The following BRWD1 variants were observed in gnomAD, a reference collection of about 807,000 sequenced individuals.
BRWD1 encodes bromodomain and WD repeat domain containing 1.
Under a neutral mutation model 251.2 loss-of-function variants are expected in BRWD1, and 82 were observed. The ratio of observed to expected loss-of-function variants is 0.33; its 90% confidence interval spans 0.27 to 0.39. The LOEUF (loss-of-function observed/expected upper bound fraction) is 0.39, where lower values mean the gene tolerates loss of function less well. Among genes scored for constraint, BRWD1 ranks in the 10% least tolerant of loss-of-function variants. The pLI is 1.00. For missense variants in BRWD1, 2,233 were observed against 2,711.6 expected (o/e 0.82, Z 3.92); for synonymous variants, 918 against 902.8 (o/e 1.02, Z -0.30).
intron 15 of BRWD1, among the ~76,000 whole-genome samples, chr21:39,266,257 A>G (rs537260050): frequency 2.2e-5 from 3 of 134,318 alleles, no homozygotes; most frequent in African/African-American, 8.7e-5. Flanking sequence ...AGATGTGCAT[A>G]TTAATTCATA....
intron 11 of BRWD1, among the ~76,000 whole-genome samples, chr21:39,276,414 C>A (rs936594330): frequency 5.9e-5 from 9 of 152,146 alleles, no homozygotes; most frequent in Admixed American, 2.0e-4. Flanking sequence ...ATACAGCTTT[C>A]ATTTCAAAGA....
chr21:39,308,271 C>T (rs1260217117), intron 4 of BRWD1, among the ~76,000 whole-genome samples: 1 of 151,992 alleles, frequency 6.6e-6, no homozygotes, highest in Admixed American at 6.6e-5. Flanking sequence ...CACTGAAGGT[C>T]AGGAGTTCGA....
At chr21:39,239,377 T>C (rs1248276622) in intron 21 of BRWD1, among the ~76,000 whole-genome samples, 1 of 152,162 alleles carries the variant, frequency 6.6e-6, no homozygotes, top group African/African-American at 2.4e-5. Context: ...AAGACTGGTG[T>C]CTAGGATTTA....
chr21:39,218,021 A>T, intron 31 of BRWD1, 131 bp downstream of exon 31: 1 of 1,011,146 alleles, frequency 9.9e-7, no homozygotes, highest in Non-Finnish European at 1.4e-6. Context: ...ACCATCTGAC[A>T]ATGAAAGAGA....
chr21:39,214,191 C>T (rs1400197378), intron 32 of BRWD1, among the ~76,000 whole-genome samples: 1 of 152,056 alleles, frequency 6.6e-6, no homozygotes, highest in Non-Finnish European at 1.5e-5. Flanking sequence ...ATGCTGAAAA[C>T]GATGGCACTG....
At position 39,218,132 on chromosome 21, in the gene BRWD1, G is replaced by C. The variant is rs773299760; in HGVS notation, c.3659+20C>G. ...CCAAATATAGCTTTTTAAACATTTTGAAAGCAGGTTTCTACTAACCTGTAA... is the reference window on the plus strand; with the variant it reads ...CCAAATATAGCTTTTTAAACATTTTCAAAGCAGGTTTCTACTAACCTGTAA... On this transcript the variant is annotated intron_variant, in intron 31 of 40. Transcript: ENST00000342449. 2 of 1,580,526 alleles carry C rather than the reference G, an allele frequency of 1.3e-6. No homozygotes were observed. The highest frequency in any genetic ancestry group is 2.3e-5 in the East Asian group (1 of 44,178).
At position 39,189,995 on chromosome 21, in the gene BRWD1, A is replaced by C. The variant is rs2031463123; in HGVS notation, c.*6264T>G. 1 of 985,268 alleles carries C rather than the reference A, an allele frequency of 1.0e-6. No homozygotes were observed. Among genetic ancestry groups the C allele is most frequent in the Admixed American group, 6.2e-5 (1 of 16,252 alleles). 61.0% of individuals were successfully genotyped at this position (985,268 alleles called of 1,614,324 possible). On this transcript the variant is annotated 3_prime_UTR_variant, in exon 41 of 41. Coordinates refer to ENST00000342449, the MANE Select transcript of BRWD1 (RefSeq NM_033656.4). The stretch of plus-strand genomic sequence containing the variant: ...AGTGCTTGAGGACTTGTTTTCCTGG[A>C]AGTGATTCCCTACTTGGGTATGGCA...
In BRWD1 at chr21:39,187,721, C is replaced by T. The variant is rs1318032388; in HGVS notation, c.*8538G>A. 2.2e-5 allele frequency: 22 copies of T among 985,126 alleles called. No homozygotes were observed. Among genetic ancestry groups the T allele is most frequent in the Non-Finnish European group, 2.5e-5 (21 of 829,720 alleles). The allele number at this position is 985,126 out of a possible 1,614,324, so 61.0% of individuals were successfully genotyped here. Reference sequence around the variant, plus strand: ...TAAAAACATATATATGAGCATTTTACATAATTTGAATTACTAAATCTTAAC... The same window carrying T: ...TAAAAACATATATATGAGCATTTTATATAATTTGAATTACTAAATCTTAAC... On this transcript the variant is annotated 3_prime_UTR_variant, in exon 41 of 41. Transcript: ENST00000342449.
At position 39,313,514 on chromosome 21, in the gene BRWD1, G is replaced by A. The variant is rs2036592829; in HGVS notation, c.-23C>T. 7.5e-7 allele frequency: 1 copy of A among 1,330,164 alleles called. No individual in the cohort carries two copies. 82.4% of individuals were successfully genotyped at this position (1,330,164 alleles called of 1,614,324 possible). On this transcript the variant is annotated 5_prime_UTR_variant, in exon 1 of 41. Transcript: ENST00000342449. The stretch of plus-strand genomic sequence containing the variant: ...CATGGCCGGGCGCGGGGCGGGAGGC[G>A]GGAGCGAGCGAGCGAGCGGAGCGTG...
intron 19 of BRWD1, among the ~76,000 whole-genome samples, chr21:39,255,023 C>T (rs1299747233): frequency 6.6e-6 from 1 of 152,100 alleles, no homozygotes; most frequent in Non-Finnish European, 1.5e-5. Context: ...TAGAAATACA[C>T]ACTTATACGC....
chr21:39,282,233 ACT>A (rs1048029645), intron 8 of BRWD1, among the ~76,000 whole-genome samples: 4 of 152,144 alleles, frequency 2.6e-5, no homozygotes, highest in African/African-American at 9.7e-5. Flanking sequence ...ACAGAGTGAG[ACT>A]CTGTCTCAAA....
intron 9 of BRWD1, among the ~76,000 whole-genome samples, chr21:39,279,638 C>CAAAAA (rs77282416): frequency 1.8e-4 from 12 of 66,554 alleles, no homozygotes; most frequent in African/African-American, 6.1e-4. Flanking sequence ...GACTCCATCT[C>CAAAAA]AAAAAAAAAA....
intron 21 of BRWD1, among the ~76,000 whole-genome samples, chr21:39,243,746 C>T (rs1412540107): frequency 6.6e-6 from 1 of 152,118 alleles, no homozygotes; most frequent in Non-Finnish European, 1.5e-5. Flanking sequence ...GACACTGCAC[C>T]CAGCCTGATT....
At chr21:39,283,901 G>C (rs2035550824) in intron 8 of BRWD1, among the ~76,000 whole-genome samples, 1 of 152,048 alleles carries the variant, frequency 6.6e-6, no homozygotes, top group Admixed American at 6.6e-5. Flanking sequence ...CTGCATAAAA[G>C]AAACAGTATG....
At position 39,218,607 on chromosome 21, in the gene BRWD1, C is replaced by T. The variant is rs775108260; in HGVS notation, c.3436G>A (p.Glu1146Lys). The T allele has an allele frequency of 3.7e-6, 6 of 1,611,702 alleles. No homozygotes were observed. Among genetic ancestry groups the T allele is most frequent in the Non-Finnish European group, 4.2e-6 (5 of 1,179,168 alleles). ...ASISVTTDEL[E>K]KLLYKPQAGE... ...GCTTGTGGTTTATAGAGCAATTTCT[C>T]TAGCTCATCTGTTGTGACAGAAATA... Residue 1146 changes from glutamate (E) to lysine (K), a missense_variant, in exon 30 of 41, where the codon GAG becomes AAG. Glu to Lys is a moderately conservative substitution (Grantham distance 56). This residue lies in a region of BRWD1 where 139 missense variants were observed against 272.8 expected (regional missense o/e 0.51). Coordinates refer to ENST00000342449, the MANE Select transcript of BRWD1 (RefSeq NM_033656.4).
At chr21:39,258,821 C>A in intron 17 of BRWD1, 149 bp from the exon 18 acceptor site, 1 of 517,394 alleles carries the variant, frequency 1.9e-6, no homozygotes, top group Non-Finnish European at 3.1e-6. Flanking sequence ...TACATATTCA[C>A]CAAGAAGTCA....
intron 32 of BRWD1, 67 bp from the exon 33 acceptor site, chr21:39,213,620 T>C: frequency 1.9e-6 from 2 of 1,052,392 alleles, no homozygotes; most frequent in Non-Finnish European, 2.8e-6. Context: ...ATTCAAATTA[T>C]ACATTAAAAT....
chr21:39,269,083 A>G (rs1438473305), intron 15 of BRWD1, among the ~76,000 whole-genome samples: 1 of 152,176 alleles, frequency 6.6e-6, no homozygotes, highest in Non-Finnish European at 1.5e-5. Flanking sequence ...TGGTCTACGG[A>G]GCAAAATATA....
In BRWD1 at chr21:39,192,507, G is replaced by C. The variant is rs1248075882; in HGVS notation, c.*3752C>G. On this transcript the variant is annotated 3_prime_UTR_variant, in exon 41 of 41. Transcript: ENST00000342449. ...AGAGGTATAACTTCAACATTAACAG[G>C]TGAAAAGTTCTACAATGACTTGTTG... is the stretch of plus-strand genomic sequence containing the variant. 1.0e-6 allele frequency: 1 copy of C among 984,550 alleles called. No homozygotes were observed. The allele number at this position is 984,550 out of a possible 1,614,324, so 61.0% of individuals were successfully genotyped here.
Sources: allele counts gnomAD v4.1 joint callset (sites outside exome capture counted in the v4.1 genomes callset), GRCh38; gene constraint gnomAD v4.1.1; regional missense constraint gnomAD v4.1.1; transcripts MANE v1.5; gene names NCBI Gene and HGNC (gene_info 2026-07-23, HGNC 2026-07-21).